The following CD86 variants were observed in gnomAD, a reference collection of about 807,000 sequenced individuals.
The protein encoded by CD86 is CD86 molecule.
CD86 carries 11 observed loss-of-function variants against 32.1 expected under a neutral mutation model. That is an observed-to-expected ratio of 0.34 (90% CI 0.22 to 0.57). The LOEUF (loss-of-function observed/expected upper bound fraction) is 0.57, where lower values mean the gene tolerates loss of function less well. Among genes scored for constraint, CD86 ranks in the 20% least tolerant of loss-of-function variants. CD86 has a pLI of 0.86. For synonymous variants in CD86, 137 were observed against 135.3 expected (o/e 1.01, Z -0.09); for missense variants, 359 against 398.4 (o/e 0.90, Z 0.84).
At position 122,082,835 on chromosome 3, in the gene CD86, TAA is replaced by T. The variant is rs376096263; in HGVS notation, c.15-8765_15-8764del. Among the ~76,000 whole-genome samples, 75 of 152,352 alleles carry T rather than the reference TAA, an allele frequency of 4.9e-4. No homozygotes were observed. The East Asian group carries it at 0.014, about 29-fold the overall frequency. ...CTCATTTTGTGCCATCTGCACAGCA[TAA>T]GTTTGATTTCTGTTGCTTTTATTAG... On this transcript the variant is annotated intron_variant, in intron 1 of 6. Coordinates refer to ENST00000330540, the MANE Select transcript of CD86 (RefSeq NM_175862.5).
intron 1 of CD86, among the ~76,000 whole-genome samples, chr3:122,058,482 G>A (rs1269713007): frequency 1.3e-5 from 2 of 152,198 alleles, no homozygotes; most frequent in Non-Finnish European, 2.9e-5. Context: ...AGCTACTGGG[G>A]CTTTTGTAGG....
chr3:122,059,998 G>A (rs569806854), intron 1 of CD86, among the ~76,000 whole-genome samples: 1 of 152,130 alleles, frequency 6.6e-6, no homozygotes, highest in African/African-American at 2.4e-5. Flanking sequence ...TTGGACTCCT[G>A]GCTTCCAGAA....
chr3:122,099,049 G>A (rs1022247023), intron 2 of CD86, among the ~76,000 whole-genome samples: 1 of 152,174 alleles, frequency 6.6e-6, no homozygotes, highest in Admixed American at 6.5e-5. Context: ...GGAGTTATTA[G>A]CTTTTACTTG....
In CD86 at chr3:122,098,941, A is replaced by T. The variant is rs537386305; in HGVS notation, c.65-4571A>T. The stretch of plus-strand genomic sequence containing the variant: ...TAGAGGAAGGCTGAAGGGGAGGAAG[A>T]CAGTACCTGTTGCTATCTAGATAGA... On this transcript the variant is annotated intron_variant, in intron 2 of 6. Coordinates refer to ENST00000330540, the MANE Select transcript of CD86 (RefSeq NM_175862.5). Among the ~76,000 whole-genome samples, 4 of 152,312 alleles carry T rather than the reference A, an allele frequency of 2.6e-5. No individual in the cohort carries two copies. In the East Asian group the frequency reaches 7.7e-4, roughly 29 times the overall value.
chr3:122,071,738 T>A (rs1282309956), intron 1 of CD86, among the ~76,000 whole-genome samples: 2 of 151,996 alleles, frequency 1.3e-5, no homozygotes, highest in Admixed American at 6.6e-5. Context: ...ATTTTTTTTT[T>A]ATTATACTTT....
At position 122,055,397 on chromosome 3, in the gene CD86, C is replaced by T; in HGVS notation, c.-93C>T. ...GAGGAAGGCTTGCACAGGGTGAAAG[C>T]TTTGCTTCTCTGCTGCTGTAACAGG... On this transcript the variant is annotated 5_prime_UTR_variant, in exon 1 of 7. Coordinates refer to ENST00000330540, the MANE Select transcript of CD86 (RefSeq NM_175862.5). The T allele has an allele frequency of 1.5e-6, 2 of 1,294,454 alleles. No individual in the cohort carries two copies. The highest frequency in any genetic ancestry group is 2.2e-6 in the Non-Finnish European group (2 of 890,398). 80.2% of individuals were successfully genotyped at this position (1,294,454 alleles called of 1,614,324 possible). A position where few individuals can be genotyped will look rare whatever the true frequency, so the allele number is the denominator to read the frequency against.
chr3:122,106,870 A>ACACACACACC (rs1223418441), intron 4 of CD86, among the ~76,000 whole-genome samples: 3 of 151,024 alleles, frequency 2.0e-5, no homozygotes, highest in Non-Finnish European at 3.0e-5. Flanking sequence ...ACACACACAC[A>ACACACACACC]CCATGCATAC....
intron 2 of CD86, among the ~76,000 whole-genome samples, chr3:122,096,052 T>C (rs2072902263): frequency 6.6e-6 from 1 of 152,168 alleles, no homozygotes. Context: ...TAACCTGGTA[T>C]TTTGTCCCCA....
chr3:122,104,744 G>A (rs1173253025), intron 3 of CD86, among the ~76,000 whole-genome samples: 14 of 152,168 alleles, frequency 9.2e-5, no homozygotes, highest in Non-Finnish European at 1.2e-4. Context: ...GCGCCTTCGA[G>A]ATTCACCCAA....
At chr3:122,114,489 G>T (rs1186901241) in intron 5 of CD86, among the ~76,000 whole-genome samples, 2 of 152,258 alleles carry the variant, frequency 1.3e-5, no homozygotes, top group East Asian at 1.9e-4. Flanking sequence ...CCCTATGATT[G>T]CTCTAGTTTG....
intron 1 of CD86, among the ~76,000 whole-genome samples, chr3:122,066,794 C>T (rs1015774591): frequency 1.3e-5 from 2 of 152,090 alleles, no homozygotes; most frequent in African/African-American, 4.8e-5. Context: ...GTTCCCCAAA[C>T]TTGTGGAACT....
intron 2 of CD86, among the ~76,000 whole-genome samples, chr3:122,101,927 A>G (rs898032609): frequency 6.6e-6 from 1 of 152,032 alleles, no homozygotes; most frequent in African/African-American, 2.4e-5. Flanking sequence ...CGCATCCTCT[A>G]CAGGTGGTGC....
intron 5 of CD86, among the ~76,000 whole-genome samples, chr3:122,116,420 T>C (rs2073251755): frequency 6.6e-6 from 1 of 151,952 alleles, no homozygotes; most frequent in Non-Finnish European, 1.5e-5. Flanking sequence ...AAGTACAAAT[T>C]AAAACGATAA....
At chr3:122,059,599 T>TCATGGAAA (rs1438110798) in intron 1 of CD86, among the ~76,000 whole-genome samples, 1 of 151,932 alleles carries the variant, frequency 6.6e-6, no homozygotes, top group East Asian at 1.9e-4. Flanking sequence ...GAGAATGCAT[T>TCATGGAAA]CATGGAAAGA....
intron 1 of CD86, among the ~76,000 whole-genome samples, chr3:122,058,546 G>C (rs766766913): frequency 2.3e-4 from 35 of 152,120 alleles, no homozygotes; most frequent in Admixed American, 2.0e-3. Context: ...CTCAAGACCT[G>C]GGTAATTAAA....
intron 5 of CD86, among the ~76,000 whole-genome samples, chr3:122,116,188 T>C (rs542229360): frequency 6.6e-6 from 1 of 152,326 alleles, no homozygotes; most frequent in South Asian, 2.1e-4. Context: ...TTTGACTTTG[T>C]TTAAAAAACG....
At chr3:122,117,135 T>A (rs2073266181) in intron 5 of CD86, among the ~76,000 whole-genome samples, 1 of 152,168 alleles carries the variant, frequency 6.6e-6, no homozygotes, top group Non-Finnish European at 1.5e-5. Flanking sequence ...TAGTGGTGAT[T>A]TCTGAGATTT....
chr3:122,113,138 T>A (rs1285568184), intron 5 of CD86, among the ~76,000 whole-genome samples: 1 of 152,248 alleles, frequency 6.6e-6, no homozygotes, highest in East Asian at 1.9e-4. Context: ...TCACTTAGAA[T>A]AATGGTCTCT....
intron 1 of CD86, among the ~76,000 whole-genome samples, chr3:122,061,327 T>C (rs186895715): frequency 5.9e-5 from 9 of 152,354 alleles, no homozygotes; most frequent in Non-Finnish European, 1.3e-4. Flanking sequence ...AAATTGCTGA[T>C]ACTTTTTTTC....
Sources: gnomAD v4.1 joint callset for allele counts (sites outside exome capture counted in the v4.1 genomes callset) on GRCh38, gnomAD v4.1.1 for gene constraint, MANE v1.5 for transcripts, NCBI Gene and HGNC (gene_info 2026-07-23, HGNC 2026-07-21) for gene names.